Variants in TRIM6 observed in about 807,000 individuals in gnomAD.
TRIM6 encodes the protein tripartite motif containing 6, also known as tripartite motif-containing protein 6.
Under a neutral mutation model 51.2 loss-of-function variants are expected in TRIM6, and 43 were observed. The observed-to-expected ratio is 0.84, with a 90% CI of 0.66 to 1.08. The LOEUF (loss-of-function observed/expected upper bound fraction) is 1.08. TRIM6 is among the 50% of genes least tolerant of loss of function. The pLI is 0.00. For synonymous variants in TRIM6, 215 were observed against 232.4 expected (o/e 0.93, Z 0.68); for missense variants, 669 against 619.0 (o/e 1.08, Z -0.86).
At chr11:5,610,354 T>A in intron 6 of TRIM6, 109 bp downstream of exon 6, 5 of 1,443,376 alleles carry the variant, frequency 3.5e-6, no homozygotes, top group Non-Finnish European at 4.8e-6. Flanking sequence ...AAGAGGGAGG[T>A]CCCAGAGGGA....
At position 5,605,424 on chromosome 11, in the gene TRIM6, A is replaced by G. The variant is rs1248364446; in HGVS notation, c.691A>G (p.Lys231Glu). 6.2e-7 allele frequency: 1 copy of G among 1,614,202 alleles called. No homozygotes were observed. ...AGACAGAGTGGAGCAACGGGAGCTG[A>G]AAAAGCTGGAACAGGAAGAGAAGAA... ...ILDRVEQRELKKLEQEEKKGL... is the reference protein window; with the variant it reads ...ILDRVEQRELEKLEQEEKKGL... Residue 231 changes from lysine (K) to glutamate (E), a missense_variant, in exon 4 of 8, where the codon AAA becomes GAA. Coordinates refer to ENST00000380097, the MANE Select transcript of TRIM6 (RefSeq NM_001003818.3).
intron 5 of TRIM6, among the ~76,000 whole-genome samples, chr11:5,609,795 C>T (rs1227325336): frequency 3.9e-5 from 6 of 152,056 alleles, no homozygotes; most frequent in Non-Finnish European, 5.9e-5. Context: ...TGGTGGCACG[C>T]GCCTGTAGTC....
rs759796415 is a variant in TRIM6, at chr11:5,610,245, G to A, written c.958G>A (p.Glu320Lys). 6.2e-7 allele frequency: 1 copy of A among 1,614,112 alleles called. No homozygotes were observed. Among genetic ancestry groups the A allele is most frequent in the South Asian group, 1.1e-5 (1 of 91,076 alleles). The change falls in exon 6 of 8, where the codon GAG becomes AAG. Residue 320 changes from glutamate to lysine, a missense_variant and splice_region_variant. Transcript: ENST00000380097. The part of the protein sequence containing the change: ...DLKRMLRVCR[E>K]LTDVQSYWVD... ...GAAAAGGATGCTGCGAGTGTGTAGAGGTAAGGAGATTCAGGGGAAAGAGTT... is the reference window on the plus strand; with the variant it reads ...GAAAAGGATGCTGCGAGTGTGTAGAAGTAAGGAGATTCAGGGGAAAGAGTT...
chr11:5,597,930 A>AATT (rs1261574575), intron 1 of TRIM6, among the ~76,000 whole-genome samples: 1 of 151,880 alleles, frequency 6.6e-6, no homozygotes, highest in African/African-American at 2.4e-5. Flanking sequence ...CTTTAATATT[A>AATT]AAGTGCAGAT....
Position 5,603,237 on chromosome 11 carries a change from T to C in TRIM6, c.18-9T>C, listed in dbSNP as rs536622605. The C allele has an allele frequency of 9.0e-5, 145 of 1,608,914 alleles. 2 individuals carry two copies. In the South Asian group the frequency reaches 1.6e-3, roughly 17 times the overall value. The stretch of plus-strand genomic sequence containing the variant: ...CCCTGATCCTTTTTTTGTTTGTTCA[T>C]CTACCTAGGATTCTACAGGCAGGAA... On this transcript the variant is annotated splice_polypyrimidine_tract_variant and intron_variant, in intron 1 of 7. Transcript: ENST00000380097.
rs1847495302 is a variant in TRIM6 at position 5,596,840 on chromosome 11, G to C, written c.-58G>C. The C allele has an allele frequency of 1.2e-6, 2 of 1,613,462 alleles. No homozygotes were observed. The highest frequency in any genetic ancestry group is 2.7e-5 in the African/African-American group (2 of 74,804). ...TTAAGGTGCCTTGGATTGCTCTGAA[G>C]AGCTTTGACCACCTGATATTGCTTA... is the stretch of plus-strand genomic sequence containing the variant. On this transcript the variant is annotated 5_prime_UTR_variant, in exon 1 of 8. Transcript: ENST00000380097.
chr11:5,604,235 A>C (rs1168506126), intron 2 of TRIM6, among the ~76,000 whole-genome samples: 1 of 151,962 alleles, frequency 6.6e-6, no homozygotes, highest in Non-Finnish European at 1.5e-5. Context: ...GCTGATCTCA[A>C]ACTCCTGAGC....
Position 5,612,049 on chromosome 11 carries a change from G to C in TRIM6, c.*707G>C, listed in dbSNP as rs1468221060. ...ATTTTTGTTCTGTTAATGTGGCTTA[G>C]TACATTGATTTACTTCAATTTGTTA... On this transcript the variant is annotated 3_prime_UTR_variant, in exon 8 of 8. Coordinates refer to ENST00000380097, the MANE Select transcript of TRIM6 (RefSeq NM_001003818.3). The C allele has an allele frequency of 3.9e-5, 6 of 152,050 alleles. No homozygotes were observed. The highest frequency in any genetic ancestry group is 1.4e-4 in the African/African-American group (6 of 41,408). 9.4% of individuals were successfully genotyped at this position (152,050 alleles called of 1,614,324 possible).
At chr11:5,599,835 T>A (rs1847726546) in intron 1 of TRIM6, among the ~76,000 whole-genome samples, 1 of 152,220 alleles carries the variant, frequency 6.6e-6, no homozygotes, top group African/African-American at 2.4e-5. Context: ...AGTTAATTGA[T>A]CATTTCCTGT....
At position 5,605,672 on chromosome 11, in the gene TRIM6, A is replaced by C. The variant is rs555679565; in HGVS notation, c.834+105A>C. Reference sequence around the variant, plus strand: ...TACCATCGTTGCAGGGACAAGAGAAAACATTCCTTTGGCGCTATAGTGCCT... The same window carrying C: ...TACCATCGTTGCAGGGACAAGAGAACACATTCCTTTGGCGCTATAGTGCCT... On this transcript the variant is annotated intron_variant, in intron 4 of 7. Coordinates refer to ENST00000380097, the MANE Select transcript of TRIM6 (RefSeq NM_001003818.3). 25 of 1,361,332 alleles carry C rather than the reference A, an allele frequency of 1.8e-5. No individual in the cohort carries two copies. In the South Asian group the frequency reaches 3.5e-4, roughly 19 times the overall value. The allele number at this position is 1,361,332 out of a possible 1,614,324, so 84.3% of individuals were successfully genotyped here. A position where few individuals can be genotyped will look rare whatever the true frequency, so the allele number is the denominator to read the frequency against.
In TRIM6 at chr11:5,603,461, A is replaced by G; in HGVS notation, c.233A>G (p.Gln78Arg). ...AATGGCAGGGAATCAGTGATTGGTC[A>G]AGAAGGGGAAAGAAGCTGCCCTGTG... is the stretch of plus-strand genomic sequence containing the variant. Reference protein sequence around the residue: ...TPNGRESVIGQEGERSCPVCQ... With the variant: ...TPNGRESVIGREGERSCPVCQ... Residue 78 changes from glutamine to arginine, a missense_variant, in exon 2 of 8, where the codon CAA becomes CGA. Physicochemically the swap from Gln to Arg is conservative, Grantham distance 43. Coordinates refer to ENST00000380097, the MANE Select transcript of TRIM6 (RefSeq NM_001003818.3). 6.2e-7 allele frequency: 1 copy of G among 1,614,104 alleles called. No individual in the cohort carries two copies. The highest frequency in any genetic ancestry group is 8.5e-7 in the Non-Finnish European group (1 of 1,180,018).
intron 1 of TRIM6, among the ~76,000 whole-genome samples, chr11:5,602,633 C>T (rs923839226): frequency 1.3e-5 from 2 of 151,570 alleles, no homozygotes; most frequent in African/African-American, 4.8e-5. Context: ...GTGCTTTTAA[C>T]ATTGAGGATA....
At chr11:5,605,254 C>T in intron 3 of TRIM6, 83 bp from the exon 4 acceptor site, 1 of 1,595,410 alleles carries the variant, frequency 6.3e-7, no homozygotes, top group Non-Finnish European at 8.6e-7. Context: ...GAAAGCAGTC[C>T]TGAGCCCAAC....
intron 1 of TRIM6, 138 bp downstream of exon 1, chr11:5,597,052 C>A: frequency 7.1e-7 from 1 of 1,415,712 alleles, no homozygotes; most frequent in South Asian, 1.3e-5. Context: ...CAAATGACCC[C>A]ACTGAGGTTA....
At chr11:5,607,914 G>A (rs1848322663) in intron 4 of TRIM6, among the ~76,000 whole-genome samples, 1 of 152,156 alleles carries the variant, frequency 6.6e-6, no homozygotes, top group African/African-American at 2.4e-5. Context: ...TAAAATGAAG[G>A]AAATGGATGA....
intron 1 of TRIM6, among the ~76,000 whole-genome samples, chr11:5,597,610 T>A (rs1391200411): frequency 6.6e-6 from 1 of 152,154 alleles, no homozygotes; most frequent in Non-Finnish European, 1.5e-5. Flanking sequence ...TGCCACCTAT[T>A]TTATTCCACT....
At position 5,611,029 on chromosome 11, in the gene TRIM6, T is replaced by C. The variant is rs1412669099; in HGVS notation, c.1238T>C (p.Phe413Ser). 1 of 1,614,104 alleles carries C rather than the reference T, an allele frequency of 6.2e-7. No homozygotes were observed. Among genetic ancestry groups the C allele is most frequent in the Non-Finnish European group, 8.5e-7 (1 of 1,180,048 alleles). ...SLGPTFSFNH[F>S]AQNHSAYSRY... is the part of the protein sequence containing the mutation. ...GGACCTACATTCTCTTTCAACCATT[T>C]TGCTCAAAATCACAGTGCTTACTCC... is the stretch of plus-strand genomic sequence containing the variant. Residue 413 changes from phenylalanine (F) to serine (S), a missense_variant, in exon 8 of 8, where the codon TTT (phenylalanine) becomes TCT (serine). Transcript: ENST00000380097.
chr11:5,599,972 A>T (rs913325504), intron 1 of TRIM6, among the ~76,000 whole-genome samples: 1 of 152,184 alleles, frequency 6.6e-6, no homozygotes, highest in African/African-American at 2.4e-5. Flanking sequence ...AAGTGAGATG[A>T]TGTGGGTATG....
At chr11:5,605,206 A>T in intron 3 of TRIM6, 131 bp from the exon 4 acceptor site, 2 of 1,213,518 alleles carry the variant, frequency 1.6e-6, no homozygotes, top group Non-Finnish European at 2.4e-6. Context: ...TTTCTCCTGC[A>T]GCATTTACCC....
Sources: gnomAD v4.1 joint callset for allele counts (sites outside exome capture counted in the v4.1 genomes callset) on GRCh38, gnomAD v4.1.1 for gene constraint, MANE v1.5 for transcripts, NCBI Gene and HGNC (gene_info 2026-07-23, HGNC 2026-07-21) for gene names.